SNTG1: variants seen among roughly 807,000 people sequenced by gnomAD.
SNTG1 encodes the protein gamma-1-syntrophin.
A neutral mutation model predicts 74.7 loss-of-function variants in SNTG1; 39 were observed. That is an observed-to-expected ratio of 0.52 (90% CI 0.40 to 0.68). The LOEUF is 0.68. Ranked by LOEUF, SNTG1 falls within the 30% of genes least tolerant of loss-of-function variation. SNTG1 has a pLI of 0.00. For synonymous variants in SNTG1, 254 were observed against 217.1 expected (o/e 1.17, Z -1.49); for missense variants, 685 against 609.5 (o/e 1.12, Z -1.30).
rs1158200827 is a variant in SNTG1, at chr8:50,162,573, A to G, written c.-102-9988A>G. Among the ~76,000 whole-genome samples the G allele has an allele frequency of 5.3e-5, 8 of 150,938 alleles. 1 individual carries two copies. In the South Asian group the frequency reaches 1.0e-3, roughly 20 times the overall value. ...AGACTCTGTCTCAAAAAAAAAAAAA[A>G]AAAAGAAAAAAAAAGAAAGAAAACA... On this transcript the variant is annotated intron_variant, in intron 1 of 18. Transcript: ENST00000642720.
chr8:50,557,666 C>A (rs1296185804), intron 12 of SNTG1, among the ~76,000 whole-genome samples: 5 of 152,192 alleles, frequency 3.3e-5, no homozygotes, highest in African/African-American at 1.2e-4. Flanking sequence ...CCAGGGCCCA[C>A]TCAGGTATTC....
intron 18 of SNTG1, among the ~76,000 whole-genome samples, chr8:50,772,906 T>G (rs2095630840): frequency 6.6e-6 from 1 of 152,258 alleles, no homozygotes; most frequent in South Asian, 2.1e-4. Flanking sequence ...GCTTCCTTTC[T>G]CACCATGTGA....
At position 50,448,985 on chromosome 8, in the gene SNTG1, G is replaced by A. The variant is rs950465831; in HGVS notation, c.220-683G>A. 6.6e-5 allele frequency among the ~76,000 whole-genome samples: 10 copies of A among 152,160 alleles called. No individual in the cohort carries two copies. The East Asian group carries it at 1.2e-3, about 18-fold the overall frequency. ...GGAGGTTGCAGTGAGCCAAGATCGC[G>A]CCATGGCACTCCAGCCTGGGCAACA... On this transcript the variant is annotated intron_variant, in intron 5 of 18. Coordinates refer to ENST00000642720, the MANE Select transcript of SNTG1 (RefSeq NM_018967.5).
At chr8:50,127,101 T>C (rs1049803784) in intron 1 of SNTG1, among the ~76,000 whole-genome samples, 1 of 151,992 alleles carries the variant, frequency 6.6e-6, no homozygotes, top group African/African-American at 2.4e-5. Context: ...ATATCAGAAA[T>C]TGTGATGTGT....
chr8:50,571,547 C>A (rs950264478), intron 12 of SNTG1, among the ~76,000 whole-genome samples: 4 of 152,218 alleles, frequency 2.6e-5, no homozygotes, highest in African/African-American at 9.6e-5. Context: ...GTTCAGGGAT[C>A]TGAGAACTCC....
intron 8 of SNTG1, among the ~76,000 whole-genome samples, chr8:50,476,488 G>T (rs1304369473): frequency 6.6e-6 from 1 of 152,102 alleles, no homozygotes; most frequent in Non-Finnish European, 1.5e-5. Context: ...ATACTGGATG[G>T]CAGAGCTAAG....
intron 1 of SNTG1, among the ~76,000 whole-genome samples, chr8:50,128,898 G>C (rs530564897): frequency 6.6e-6 from 1 of 152,144 alleles, no homozygotes; most frequent in Admixed American, 6.5e-5. Flanking sequence ...GCATTTAAGT[G>C]TCATTTTAGT....
At chr8:50,775,573 A>G (rs138802084) in intron 18 of SNTG1, among the ~76,000 whole-genome samples, 4 of 151,820 alleles carry the variant, frequency 2.6e-5, no homozygotes, top group East Asian at 1.9e-4. Context: ...GAAACTTGCA[A>G]ATAATGTATA....
chr8:50,534,057 T>A (rs1252757898), intron 10 of SNTG1, among the ~76,000 whole-genome samples: 6 of 152,218 alleles, frequency 3.9e-5, no homozygotes, highest in African/African-American at 1.4e-4. Flanking sequence ...TTAAATAATA[T>A]ACCTGAAGTT....
At chr8:50,351,851 G>T (rs539089948) in intron 2 of SNTG1, among the ~76,000 whole-genome samples, 1 of 152,158 alleles carries the variant, frequency 6.6e-6, no homozygotes, top group Admixed American at 6.5e-5. Context: ...GATGATCTTT[G>T]GTAACTGGGA....
chr8:50,156,477 A>G (rs2082258253), intron 1 of SNTG1, among the ~76,000 whole-genome samples: 1 of 152,122 alleles, frequency 6.6e-6, no homozygotes, highest in Non-Finnish European at 1.5e-5. Flanking sequence ...TTACTTCAAA[A>G]TACAAAAATC....
chr8:50,013,284 T>C (rs1815989545), intron 1 of SNTG1, among the ~76,000 whole-genome samples: 1 of 152,052 alleles, frequency 6.6e-6, no homozygotes. Context: ...AAGAAGGATA[T>C]CTTAAAAAAT....
intron 1 of SNTG1, among the ~76,000 whole-genome samples, chr8:50,066,545 C>T (rs1343907834): frequency 2.0e-5 from 3 of 152,078 alleles, no homozygotes; most frequent in African/African-American, 4.8e-5. Flanking sequence ...TTCCTTTTCT[C>T]CCCCCTCCAT....
chr8:50,009,577 T>C (rs1347266003), intron 1 of SNTG1, among the ~76,000 whole-genome samples: 1 of 152,230 alleles, frequency 6.6e-6, no homozygotes, highest in Non-Finnish European at 1.5e-5. Flanking sequence ...CCATTGTTTC[T>C]ATATTTGTCT....
intron 2 of SNTG1, among the ~76,000 whole-genome samples, chr8:50,212,472 C>G (rs1251942689): frequency 1.3e-5 from 2 of 152,104 alleles, no homozygotes; most frequent in African/African-American, 2.4e-5. Context: ...CATTAGGAAA[C>G]ATTCTCTGAG....
At chr8:50,253,400 G>A (rs1479577995) in intron 2 of SNTG1, among the ~76,000 whole-genome samples, 1 of 149,814 alleles carries the variant, frequency 6.7e-6, no homozygotes, top group South Asian at 2.1e-4. Context: ...TTCAGCCTGT[G>A]CAACAAGAGT....
intron 2 of SNTG1, among the ~76,000 whole-genome samples, chr8:50,188,530 C>G (rs1354159424): frequency 6.6e-6 from 1 of 152,104 alleles, no homozygotes; most frequent in African/African-American, 2.4e-5. Flanking sequence ...ATAGGGTACT[C>G]TCATGTGGGT....
chr8:49,957,046 G>A (rs1388250618), intron 1 of SNTG1, among the ~76,000 whole-genome samples: 1 of 152,174 alleles, frequency 6.6e-6, no homozygotes, highest in African/African-American at 2.4e-5. Flanking sequence ...TGAAATTTTA[G>A]TTACAAGATG....
intron 1 of SNTG1, among the ~76,000 whole-genome samples, chr8:50,006,494 T>C (rs2130511662): frequency 6.6e-6 from 1 of 152,340 alleles, no homozygotes; most frequent in Non-Finnish European, 1.5e-5. Context: ...TTTAATTGTG[T>C]TCTGCCTTTT....
Sources: allele counts gnomAD v4.1 joint callset (sites outside exome capture counted in the v4.1 genomes callset), GRCh38; gene constraint gnomAD v4.1.1; transcripts MANE v1.5; gene names NCBI Gene and HGNC (gene_info 2026-07-23, HGNC 2026-07-21).